The following MYH8 variants were observed in gnomAD, a reference collection of about 807,000 sequenced individuals.
The protein encoded by MYH8 is myosin heavy chain 8, also known as myosin-8.
MYH8 carries 168 observed loss-of-function variants against 233.2 expected under a neutral mutation model. That is an observed-to-expected ratio of 0.72 (90% CI 0.64 to 0.82). MYH8 has a LOEUF of 0.82. Ranked by LOEUF, MYH8 falls within the 40% of genes least tolerant of loss-of-function variation. The pLI, the probability that MYH8 is intolerant of heterozygous loss-of-function variation, is 0.00. For missense variants in MYH8, 1,995 were observed against 2,327.8 expected (o/e 0.86, Z 2.94); for synonymous variants, 785 against 850.6 (o/e 0.92, Z 1.34).
intron 22 of MYH8, among the ~76,000 whole-genome samples, chr17:10,402,779 T>C (rs1310577391): frequency 6.6e-6 from 1 of 152,182 alleles, no homozygotes; most frequent in African/African-American, 2.4e-5. Context: ...GATACAATAA[T>C]ATTATCTAAT....
At chr17:10,401,817 C>A in intron 22 of MYH8, 32 bp from the exon 23 acceptor site, 1 of 1,613,768 alleles carries the variant, frequency 6.2e-7, no homozygotes, top group Non-Finnish European at 8.5e-7. Flanking sequence ...TACTTAGAGT[C>A]TGTTACTTAT....
At position 10,404,557 on chromosome 17, in the gene MYH8, C is replaced by T. The variant is rs1457798399; in HGVS notation, c.2461G>A (p.Val821Ile). The T allele has an allele frequency of 6.2e-7, 1 of 1,613,814 alleles. No homozygotes were observed. Among genetic ancestry groups the T allele is most frequent in the Non-Finnish European group, 8.5e-7 (1 of 1,179,904 alleles). The part of the protein sequence containing the change: ...REALFCIQYN[V>I]RAFMNVKHWP... ...TGCTTGACGTTCATGAAGGCACGGA[C>T]ATTATACTGGATGCAGAAAAGTGCT... Residue 821 changes from valine to isoleucine, a missense_variant, in exon 22 of 40, where the codon GTC becomes ATC. Transcript: ENST00000403437.
rs200411245 is a variant in MYH8, at chr17:10,395,753, T to C, written c.4654-312A>G. Reference sequence around the variant, plus strand: ...TTTTAGAAATTAAAATGTTCTTGTGTGATATACTAGCCCCTGACCTAGAAA... The same window carrying C: ...TTTTAGAAATTAAAATGTTCTTGTGCGATATACTAGCCCCTGACCTAGAAA... On this transcript the variant is annotated intron_variant, in intron 33 of 39. Transcript: ENST00000403437. Among the ~76,000 whole-genome samples, 150 of 152,216 alleles carry C rather than the reference T, an allele frequency of 9.9e-4. 3 individuals carry two copies. In the East Asian group the frequency reaches 0.021, roughly 22 times the overall value.
At chr17:10,401,509 A>AAT (rs2072142519) in intron 23 of MYH8, 34 bp downstream of exon 23, 7 of 1,613,970 alleles carry the variant, frequency 4.3e-6, no homozygotes, top group Non-Finnish European at 5.9e-6. Flanking sequence ...TGGTGGCAGA[A>AAT]CCTCTATACA....
Position 10,406,339 on chromosome 17 carries a change from CCTT to C in MYH8, c.2227_2229del (p.Lys743del). On this transcript the variant is annotated inframe_deletion, in exon 20 of 40. Coordinates refer to ENST00000403437, the MANE Select transcript of MYH8 (RefSeq NM_002472.3). ...ATAGATGCAAGAAGTTTCTCAGAAG[CCTT>C]CTTGCTGTCAATGAACTGTCCCTCT... 1.2e-6 allele frequency: 2 copies of C among 1,613,222 alleles called. No individual in the cohort carries two copies. The highest frequency in any genetic ancestry group is 1.7e-5 in the Admixed American group (1 of 60,012).
intron 17 of MYH8, among the ~76,000 whole-genome samples, chr17:10,407,271 C>T (rs966512971): frequency 3.3e-5 from 5 of 152,132 alleles, no homozygotes; most frequent in East Asian, 1.9e-4. Flanking sequence ...GGTTCTCAAC[C>T]GAGAATCACA....
Position 10,398,709 on chromosome 17 carries a change from A to G in MYH8, c.3981+59T>C, listed in dbSNP as rs538740227. On this transcript the variant is annotated intron_variant, in intron 29 of 39. Coordinates refer to ENST00000403437, the MANE Select transcript of MYH8 (RefSeq NM_002472.3). ...GATATTTAACTTACACATCCCAAGT[A>G]GAGCCTAACTGGGCAGGTTTAGATT... The G allele has an allele frequency of 3.7e-6, 6 of 1,614,002 alleles. No individual in the cohort carries two copies. The East Asian group carries it at 1.3e-4, about 36-fold the overall frequency.
At position 10,393,257 on chromosome 17, in the gene MYH8, C is replaced by G. The variant is rs202102936; in HGVS notation, c.5167-47G>C. Reference sequence around the variant, plus strand: ...ATTTACAAAATTTGCAGTTTGCCCTCTTGGGATTTTACAAGTGTCTTACTT... The same window carrying G: ...ATTTACAAAATTTGCAGTTTGCCCTGTTGGGATTTTACAAGTGTCTTACTT... On this transcript the variant is annotated intron_variant, in intron 35 of 39. Transcript: ENST00000403437. The G allele has an allele frequency of 8.1e-6, 13 of 1,613,030 alleles. No homozygotes were observed. In the African/African-American group the frequency reaches 1.6e-4, roughly 20 times the overall value.
chr17:10,413,379 T>C (rs746799219), intron 12 of MYH8, among the ~76,000 whole-genome samples: 5 of 152,246 alleles, frequency 3.3e-5, no homozygotes, highest in Non-Finnish European at 5.9e-5. Context: ...TATTGCGTGC[T>C]CTTTCCATAC....
chr17:10,420,936 G>A (rs1360147707), intron 2 of MYH8, among the ~76,000 whole-genome samples: 1 of 152,102 alleles, frequency 6.6e-6, no homozygotes, highest in Non-Finnish European at 1.5e-5. Flanking sequence ...AACCACAGAG[G>A]AATGAGAGCT....
rs757323240 is a variant in MYH8 at position 10,420,210 on chromosome 17, G to A, written c.18C>T (p.Asp6=). The change falls in exon 3 of 40, where the codon GAC becomes GAT. Residue 6 remains aspartate (D), a synonymous_variant. Coordinates refer to ENST00000403437, the MANE Select transcript of MYH8 (RefSeq NM_002472.3). ...CTTCGCCAAAAACAGCCATCTCAGC[G>A]TCTGAGCTCGCACTCATGGCTGCGA... MSASS[D]AEMAVFGEAA... 73 of 1,613,232 alleles carry A rather than the reference G, an allele frequency of 4.5e-5. No homozygotes were observed. The highest frequency in any genetic ancestry group is 2.0e-4 in the Admixed American group (12 of 60,012).
In MYH8 at chr17:10,415,124, A is replaced by G. The variant is rs753890411; in HGVS notation, c.797T>C (p.Ile266Thr). The G allele has an allele frequency of 8.1e-6, 13 of 1,612,700 alleles. No individual in the cohort carries two copies. The highest frequency in any genetic ancestry group is 2.2e-5 in the East Asian group (1 of 44,882). Residue 266 changes from isoleucine (I) to threonine (T), a missense_variant, in exon 9 of 40, where the codon ATA becomes ACA. Physicochemically the swap from Ile to Thr is moderately conservative, Grantham distance 89. Coordinates refer to ENST00000403437, the MANE Select transcript of MYH8 (RefSeq NM_002472.3). The surrounding 1 kb of genome is among the most constrained non-coding windows in gnomAD (Gnocchi z 4.1). ...ATGGTCCTGTTACTCACATGTTTCT[A>G]TATCAGCAGATGCCAGCTTCCCTGT... Reference protein sequence around the residue: ...GTTGKLASADIETYLLEKSRV... With the variant: ...GTTGKLASADTETYLLEKSRV...
At chr17:10,393,255 C>T (rs2072047277) in intron 35 of MYH8, 45 bp from the exon 36 acceptor site, 2 of 1,613,282 alleles carry the variant, frequency 1.2e-6, no homozygotes, top group South Asian at 1.1e-5. Flanking sequence ...GCAGTTTGCC[C>T]TCTTGGGATT....
At chr17:10,421,382 G>C (rs1171807261) in intron 2 of MYH8, among the ~76,000 whole-genome samples, 1 of 152,202 alleles carries the variant, frequency 6.6e-6, no homozygotes, top group Non-Finnish European at 1.5e-5. Context: ...GCATGGACTA[G>C]TCTATTGCCA....
At position 10,419,002 on chromosome 17, in the gene MYH8, AAGACTTG is replaced by A; in HGVS notation, c.232_238del (p.Gln78SerfsTer3). 1.2e-6 allele frequency: 2 copies of A among 1,614,022 alleles called. No homozygotes were observed. The highest frequency in any genetic ancestry group is 2.7e-5 in the African/African-American group (2 of 74,928). ...GTCATATTTCGGAGGGTTCATAGGGAAGACTTGGTCTTCCCTGACAGTTAGAGTCTGG... is the reference window on the plus strand; with the variant it reads ...GTCATATTTCGGAGGGTTCATAGGGAGTCTTCCCTGACAGTTAGAGTCTGG... On this transcript the variant is annotated frameshift_variant, in exon 4 of 40. Transcript: ENST00000403437. LOFTEE classifies it high-confidence loss of function. This position sits in a 1 kb window ranked among gnomAD's most constrained non-coding sequence, Gnocchi z 4.0.
At position 10,406,743 on chromosome 17, in the gene MYH8, G is replaced by A; in HGVS notation, c.2118C>T (p.Arg706=). The A allele has an allele frequency of 6.2e-7, 1 of 1,614,120 alleles. No homozygotes were observed. Among genetic ancestry groups the A allele is most frequent in the Non-Finnish European group, 8.5e-7 (1 of 1,180,024 alleles). Residue 706 remains arginine, a synonymous_variant, in exon 19 of 40, where the codon CGC becomes CGT. Transcript: ENST00000403437. The stretch of plus-strand genomic sequence containing the variant: ...TGCTTGGGAATCCTTTCCTACAGAT[G>A]CGGATGCCTTCCAGCACACCATTAC... ...LRCNGVLEGI[R]ICRKGFPSRI...
rs1297364390 is a variant in MYH8, at chr17:10,401,097, G to C, written c.3203C>G (p.Ser1068Cys). Residue 1068 changes from serine (S) to cysteine (C), a missense_variant, in exon 25 of 40, where the codon TCC becomes TGC. Coordinates refer to ENST00000403437, the MANE Select transcript of MYH8 (RefSeq NM_002472.3). ...LEGDLKLAQE[S>C]TMDMENDKQQ... ...TTTGTCATTTTCCATATCCATTGTG[G>C]ATTCTTGGGCCAATTTGAGGTCACC... 1.2e-6 allele frequency: 2 copies of C among 1,613,964 alleles called. No homozygotes were observed. Among genetic ancestry groups the C allele is most frequent in the Admixed American group, 3.3e-5 (2 of 59,994 alleles).
chr17:10,392,130 T>A (rs2072031849), intron 38 of MYH8, among the ~76,000 whole-genome samples, 153 bp from the exon 39 acceptor site: 1 of 152,216 alleles, frequency 6.6e-6, no homozygotes, highest in Non-Finnish European at 1.5e-5. Flanking sequence ...GTAGCACTCT[T>A]GGTAAATGTT....
rs776895627 is a variant in MYH8 at position 10,401,259 on chromosome 17, T to C, written c.3108+16A>G. The stretch of plus-strand genomic sequence containing the variant: ...TTTAAAAAAATCTTTCAAAGGGATA[T>C]TTAAAATGTGCTTACATCATCCACT... On this transcript the variant is annotated intron_variant, in intron 24 of 39. Transcript: ENST00000403437. The C allele has an allele frequency of 7.4e-6, 12 of 1,614,192 alleles. No homozygotes were observed. Among genetic ancestry groups the C allele is most frequent in the Non-Finnish European group, 1.0e-5 (12 of 1,180,030 alleles).
Sources: allele counts gnomAD v4.1 joint callset (sites outside exome capture counted in the v4.1 genomes callset), GRCh38; gene constraint gnomAD v4.1.1; non-coding constraint Gnocchi (gnomAD v3.1); transcripts MANE v1.5; gene names NCBI Gene and HGNC (gene_info 2026-07-23, HGNC 2026-07-21).